Variants in GTF2A1L observed in about 807,000 individuals in gnomAD.
The protein encoded by GTF2A1L is TFIIA-alpha and beta-like factor.
Under a neutral mutation model 49.7 loss-of-function variants are expected in GTF2A1L, and 48 were observed. The observed-to-expected ratio is 0.97, with a 90% CI of 0.77 to 1.23. The LOEUF is 1.23. GTF2A1L is among the 50% of genes most tolerant of loss of function. The pLI, the probability that GTF2A1L is intolerant of heterozygous loss-of-function variation, is 0.00. For synonymous variants in GTF2A1L, 246 were observed against 193.5 expected (o/e 1.27, Z -2.25); for missense variants, 736 against 564.8 (o/e 1.30, Z -3.07).
intron 4 of GTF2A1L, among the ~76,000 whole-genome samples, chr2:48,643,279 A>G (rs1043134550): frequency 6.6e-6 from 1 of 152,192 alleles, no homozygotes; most frequent in African/African-American, 2.4e-5. Flanking sequence ...ATAGAAAACC[A>G]AGTAGTTTTT....
intron 8 of GTF2A1L, 37 bp downstream of exon 8, chr2:48,671,717 C>A: frequency 6.4e-7 from 1 of 1,563,646 alleles, no homozygotes; most frequent in Non-Finnish European, 8.8e-7. Flanking sequence ...GGTTTATTAA[C>A]TGCATTTATA....
intron 8 of GTF2A1L, among the ~76,000 whole-genome samples, chr2:48,675,336 A>G (rs1189606453): frequency 1.3e-5 from 2 of 152,100 alleles, no homozygotes; most frequent in Non-Finnish European, 2.9e-5. Context: ...AGACTCCAAA[A>G]TGATTTGTAT....
rs757914303 is a variant in GTF2A1L at position 48,669,958 on chromosome 2, C to A, written c.1215C>A (p.Asp405Glu). ...DSATNSSDNE[D>E]PQVNIVEEDP... ...CCACAAACAGTAGTGATAATGAAGA[C>A]CCTCAAGTAAACATTGTAGAAGAGG... Residue 405 changes from aspartate to glutamate, a missense_variant, in exon 7 of 9, where the codon GAC becomes GAA. Physicochemically the swap from Asp to Glu is conservative, Grantham distance 45 (BLOSUM62 2). Coordinates refer to ENST00000403751, the MANE Select transcript of GTF2A1L (RefSeq NM_006872.5). 1.9e-6 allele frequency: 3 copies of A among 1,613,496 alleles called. No homozygotes were observed. Among genetic ancestry groups the A allele is most frequent in the South Asian group, 1.1e-5 (1 of 90,920 alleles).
intron 6 of GTF2A1L, among the ~76,000 whole-genome samples, chr2:48,662,852 G>A (rs980832592): frequency 6.6e-6 from 1 of 151,880 alleles, no homozygotes; most frequent in African/African-American, 2.4e-5. Context: ...ATAAGTGGGA[G>A]CTAAACAACA....
chr2:48,635,275 A>G (rs1211579523), intron 3 of GTF2A1L, among the ~76,000 whole-genome samples: 1 of 151,480 alleles, frequency 6.6e-6, no homozygotes, highest in Non-Finnish European at 1.5e-5. Context: ...GGTGGAGTGG[A>G]TCAGGCTGTT....
At position 48,656,890 on chromosome 2, in the gene GTF2A1L, G is replaced by T. The variant is rs372063280; in HGVS notation, c.978+9848G>T. Among the ~76,000 whole-genome samples, 83 of 152,016 alleles carry T rather than the reference G, an allele frequency of 5.5e-4. 1 individual carries two copies. The highest frequency in any genetic ancestry group is 1.9e-3 in the African/African-American group (79 of 41,472). On this transcript the variant is annotated intron_variant, in intron 6 of 8. Coordinates refer to ENST00000403751, the MANE Select transcript of GTF2A1L (RefSeq NM_006872.5). ...TTTTCGTAGATGGTATAAATTTAGG[G>T]TTCAACTCCATTATTTTCAATGTGG...
chr2:48,634,669 G>C (rs1434523973), intron 3 of GTF2A1L, among the ~76,000 whole-genome samples: 1 of 152,102 alleles, frequency 6.6e-6, no homozygotes, highest in African/African-American at 2.4e-5. Context: ...AACTTGGCAG[G>C]GTATGAAATT....
At chr2:48,673,155 G>A (rs559363725) in intron 8 of GTF2A1L, among the ~76,000 whole-genome samples, 2 of 152,198 alleles carry the variant, frequency 1.3e-5, no homozygotes, top group African/African-American at 4.8e-5. Flanking sequence ...CTGAATAATA[G>A]TCTATTGAAT....
At chr2:48,654,533 C>T (rs1177753193) in intron 6 of GTF2A1L, among the ~76,000 whole-genome samples, 2 of 152,122 alleles carry the variant, frequency 1.3e-5, no homozygotes, top group Non-Finnish European at 2.9e-5. Flanking sequence ...CAGGTGCCCA[C>T]CACCATGCCT....
intron 3 of GTF2A1L, among the ~76,000 whole-genome samples, chr2:48,641,508 A>G (rs1677196654): frequency 6.6e-6 from 1 of 152,178 alleles, no homozygotes; most frequent in Admixed American, 6.5e-5. Flanking sequence ...AATAAATATT[A>G]CATTAACATA....
intron 1 of GTF2A1L, among the ~76,000 whole-genome samples, chr2:48,618,622 G>T (rs1433547186): frequency 6.6e-6 from 1 of 152,158 alleles, no homozygotes; most frequent in Non-Finnish European, 1.5e-5. Context: ...CAGTATAACA[G>T]CTCCATTTTT....
chr2:48,630,057 C>T lies in GTF2A1L; in HGVS notation c.247+8767C>T, dbSNP rs1211531848. The stretch of plus-strand genomic sequence containing the variant: ...GTGAAGTTCTGTAATATGATGCCTC[C>T]AGTTGTGTTCTTTTTTGCTTATGAT... On this transcript the variant is annotated intron_variant, in intron 3 of 8. Coordinates refer to ENST00000403751, the MANE Select transcript of GTF2A1L (RefSeq NM_006872.5). Among the ~76,000 whole-genome samples, 4 of 144,120 alleles carry T rather than the reference C, an allele frequency of 2.8e-5. 1 individual carries two copies. The highest frequency in any genetic ancestry group is 4.7e-5 in the Non-Finnish European group (3 of 63,944). 94.5% of individuals were successfully genotyped at this position (144,120 alleles called of 152,430 possible).
At chr2:48,663,244 G>T (rs902323577) in intron 6 of GTF2A1L, among the ~76,000 whole-genome samples, 2 of 151,998 alleles carry the variant, frequency 1.3e-5, no homozygotes, top group Admixed American at 6.6e-5. Context: ...GACCAGCCTA[G>T]GCAACATTGC....
intron 6 of GTF2A1L, among the ~76,000 whole-genome samples, chr2:48,662,874 A>T (rs1256026098): frequency 6.6e-6 from 1 of 152,102 alleles, no homozygotes; most frequent in Non-Finnish European, 1.5e-5. Context: ...GAACACGTGG[A>T]TACTAGGAGG....
chr2:48,654,243 C>T (rs1460094481), intron 6 of GTF2A1L, among the ~76,000 whole-genome samples: 1 of 152,140 alleles, frequency 6.6e-6, no homozygotes, highest in Non-Finnish European at 1.5e-5. Flanking sequence ...TTTTGACTTT[C>T]AGTCCCGTAT....
Position 48,646,753 on chromosome 2 carries a change from A to C in GTF2A1L, c.689A>C (p.Glu230Ala). Residue 230 changes from glutamate (E) to alanine (A), a missense_variant, in exon 6 of 9, where the codon GAA becomes GCA. Glu to Ala is a moderately radical substitution (Grantham distance 107, BLOSUM62 -1). Coordinates refer to ENST00000403751, the MANE Select transcript of GTF2A1L (RefSeq NM_006872.5). The part of the protein sequence containing the change: ...SPGNEHKIVP[E>A]ALLCHQESSH... The stretch of plus-strand genomic sequence containing the variant: ...GGAAATGAGCATAAAATCGTGCCTG[A>C]AGCTTTGTTGTGTCATCAGGAAAGT... 1 of 1,614,188 alleles carries C rather than the reference A, an allele frequency of 6.2e-7. No homozygotes were observed.
intron 3 of GTF2A1L, among the ~76,000 whole-genome samples, chr2:48,639,939 TG>T (rs1267272280): frequency 6.6e-6 from 1 of 152,002 alleles, no homozygotes; most frequent in Non-Finnish European, 1.5e-5. Flanking sequence ...AACAAGCATA[TG>T]AAAAAAAGCT....
intron 4 of GTF2A1L, among the ~76,000 whole-genome samples, chr2:48,644,196 A>G (rs1452558712): frequency 1.3e-5 from 2 of 152,194 alleles, no homozygotes; most frequent in African/African-American, 4.8e-5. Context: ...CAAAACATTT[A>G]TAAATAAAAT....
chr2:48,626,106 A>C (rs1196384578), intron 3 of GTF2A1L, among the ~76,000 whole-genome samples: 1 of 144,066 alleles, frequency 6.9e-6, no homozygotes, highest in Non-Finnish European at 1.6e-5. Flanking sequence ...TCTTCCACCA[A>C]CAACCATTTA....
Sources: allele counts gnomAD v4.1 joint callset (sites outside exome capture counted in the v4.1 genomes callset), GRCh38; gene constraint gnomAD v4.1.1; transcripts MANE v1.5; gene names NCBI Gene and HGNC (gene_info 2026-07-23, HGNC 2026-07-21).